Variants in DYSF observed in about 807,000 individuals in gnomAD.
DYSF encodes the protein dystrophy-associated fer-1-like 1.
DYSF carries 212 observed loss-of-function variants against 274.9 expected under a neutral mutation model. The ratio of observed to expected loss-of-function variants is 0.77; its 90% confidence interval spans 0.69 to 0.86. DYSF has a LOEUF of 0.86. Ranked by LOEUF, DYSF falls within the 40% of genes least tolerant of loss-of-function variation. The pLI, the probability that DYSF is intolerant of heterozygous loss-of-function variation, is 0.00. For synonymous variants in DYSF, 1,091 were observed against 1,078.7 expected (o/e 1.01, Z -0.22); for missense variants, 2,666 against 2,783.2 (o/e 0.96, Z 0.95).
intron 41 of DYSF, among the ~76,000 whole-genome samples, chr2:71,621,441 C>T (rs1440082736): frequency 6.6e-6 from 1 of 151,814 alleles, no homozygotes; most frequent in Non-Finnish European, 1.5e-5. Context: ...AAGTTAAAAC[C>T]ACTTTTATTC....
chr2:71,619,219 C>G (rs1422238839), intron 40 of DYSF, among the ~76,000 whole-genome samples: 2 of 152,054 alleles, frequency 1.3e-5, no homozygotes, highest in Non-Finnish European at 2.9e-5. Flanking sequence ...TGCTGCCTGG[C>G]GAGGCCCGTC....
At chr2:71,562,013 A>G in intron 23 of DYSF, 69 bp downstream of exon 23, 4 of 1,559,752 alleles carry the variant, frequency 2.6e-6, no homozygotes, top group Non-Finnish European at 2.6e-6. Flanking sequence ...ACTGGCAGGG[A>G]CAAGGCGAAT....
At chr2:71,640,330 T>G (rs534898320) in intron 41 of DYSF, among the ~76,000 whole-genome samples, 7 of 152,362 alleles carry the variant, frequency 4.6e-5, no homozygotes, top group African/African-American at 1.7e-4. Flanking sequence ...GAGGTTCATT[T>G]GAGAATAAAT....
chr2:71,543,827 G>A (rs779591276), intron 17 of DYSF, among the ~76,000 whole-genome samples: 14 of 151,652 alleles, frequency 9.2e-5, no homozygotes, highest in Non-Finnish European at 1.5e-4. Context: ...GTCCAGCTTC[G>A]GCTCGGCATC....
At chr2:71,517,686 A>T (rs960846260) in intron 10 of DYSF, among the ~76,000 whole-genome samples, 1 of 152,130 alleles carries the variant, frequency 6.6e-6, no homozygotes, top group African/African-American at 2.4e-5. Flanking sequence ...TTCCGACAGA[A>T]GCTGGGACAC....
intron 30 of DYSF, among the ~76,000 whole-genome samples, chr2:71,576,705 C>T (rs1381468674): frequency 2.0e-5 from 3 of 151,996 alleles, no homozygotes; most frequent in Non-Finnish European, 4.4e-5. Flanking sequence ...CCGAGGGGGC[C>T]GGGAGTGGGG....
At chr2:71,619,997 T>A (rs1282324256) in intron 40 of DYSF, among the ~76,000 whole-genome samples, 1 of 152,178 alleles carries the variant, frequency 6.6e-6, no homozygotes, top group Non-Finnish European at 1.5e-5. Flanking sequence ...GGTGGGACTA[T>A]AAGACTCCTA....
chr2:71,654,399 G>A (rs573568649), intron 42 of DYSF, among the ~76,000 whole-genome samples: 1 of 152,240 alleles, frequency 6.6e-6, no homozygotes, highest in East Asian at 1.9e-4. Context: ...CTTTTTCTGG[G>A]AGCTTATAAT....
chr2:71,595,492 G>A (rs1197596332), intron 32 of DYSF, among the ~76,000 whole-genome samples: 1 of 152,184 alleles, frequency 6.6e-6, no homozygotes, highest in African/African-American at 2.4e-5. Flanking sequence ...CGACCCTGGT[G>A]GTCTGAGTGG....
chr2:71,625,810 T>C (rs1451073557), intron 41 of DYSF, among the ~76,000 whole-genome samples: 2 of 152,094 alleles, frequency 1.3e-5, no homozygotes, highest in African/African-American at 4.8e-5. Context: ...ATTTAGGCCT[T>C]CTTTAATGGT....
intron 5 of DYSF, 45 bp downstream of exon 5, chr2:71,511,966 G>A (rs1178633700): frequency 2.3e-5 from 29 of 1,249,846 alleles, no homozygotes; most frequent in Admixed American, 4.0e-5. Context: ...CAAGAAGGCC[G>A]GCAGTGGCAC....
intron 1 of DYSF, among the ~76,000 whole-genome samples, chr2:71,480,654 T>C (rs950718479): frequency 1.3e-5 from 2 of 152,172 alleles, no homozygotes; most frequent in African/African-American, 4.8e-5. Flanking sequence ...TCAGCCTGGG[T>C]ACTTTCTTTT....
At chr2:71,463,515 A>C (rs2081372427), upstream of DYSF, among the ~76,000 whole-genome samples, 2 of 152,208 alleles carry the variant, frequency 1.3e-5, no homozygotes, top group East Asian at 3.9e-4. Flanking sequence ...GGCTCTGCAG[A>C]GTGCACAACA....
chr2:71,514,147 T>TTA (rs2086406627), intron 7 of DYSF, among the ~76,000 whole-genome samples: 1 of 125,190 alleles, frequency 8.0e-6, no homozygotes, highest in Non-Finnish European at 1.6e-5. Flanking sequence ...GTTTTGCGCT[T>TTA]AAAAAAAAAA....
rs1383268018 is a variant in DYSF, at chr2:71,576,706, G to A, written c.3402+2335G>A. Among the ~76,000 whole-genome samples, 14 of 152,314 alleles carry A rather than the reference G, an allele frequency of 9.2e-5. No homozygotes were observed. In the South Asian group the frequency reaches 1.4e-3, roughly 16 times the overall value. On this transcript the variant is annotated intron_variant, in intron 30 of 55. Coordinates refer to ENST00000410020, the MANE Select transcript of DYSF (RefSeq NM_001130987.2). ...GCTGGAGCGGGGAGCCGAGGGGGCC[G>A]GGAGTGGGGAAGAGGTGACTGGAGA... is the stretch of plus-strand genomic sequence containing the variant.
At chr2:71,551,758 G>A in intron 19 of DYSF, 38 bp downstream of exon 19, 1 of 1,533,618 alleles carries the variant, frequency 6.5e-7, no homozygotes, top group Non-Finnish European at 8.9e-7. Context: ...TGGGCGTCGG[G>A]GCAGGGAAGG....
intron 4 of DYSF, among the ~76,000 whole-genome samples, chr2:71,503,730 A>T (rs913073591): frequency 3.9e-5 from 6 of 152,104 alleles, no homozygotes; most frequent in Non-Finnish European, 8.8e-5. Context: ...GTCACAGGGC[A>T]TGAGGGATGG....
intron 12 of DYSF, among the ~76,000 whole-genome samples, chr2:71,523,139 G>T (rs1435982552): frequency 6.6e-6 from 1 of 152,222 alleles, no homozygotes; most frequent in Non-Finnish European, 1.5e-5. Flanking sequence ...CAGGCTCCTG[G>T]TCTTTTCTCC....
chr2:71,464,975 T>C (rs1415526026), upstream of DYSF, among the ~76,000 whole-genome samples: 1 of 151,824 alleles, frequency 6.6e-6, no homozygotes, highest in East Asian at 1.9e-4. Flanking sequence ...GGGTTGAAGG[T>C]GTCACTGGGT....
Sources: gnomAD v4.1 joint callset for allele counts (sites outside exome capture counted in the v4.1 genomes callset) on GRCh38, gnomAD v4.1.1 for gene constraint, MANE v1.5 for transcripts, NCBI Gene and HGNC (gene_info 2026-07-23, HGNC 2026-07-21) for gene names.